The following TAFA1 variants were observed in gnomAD, a reference collection of about 807,000 sequenced individuals.
The protein encoded by TAFA1 is TAFA chemokine like family member 1, also known as chemokine-like protein TAFA-1.
A neutral mutation model predicts 18.5 loss-of-function variants in TAFA1; 4 were observed. That is an observed-to-expected ratio of 0.22 (90% CI 0.11 to 0.49). TAFA1 has a LOEUF of 0.49. Ranked by LOEUF, TAFA1 falls within the 20% of genes least tolerant of loss-of-function variation. The pLI, the probability that TAFA1 is intolerant of heterozygous loss-of-function variation, is 0.98. For missense variants in TAFA1, 147 were observed against 169.0 expected (o/e 0.87, Z 0.72); for synonymous variants, 56 against 55.2 (o/e 1.01, Z -0.06).
intron 2 of TAFA1, among the ~76,000 whole-genome samples, chr3:68,370,282 A>G (rs187793): frequency 0.65 from 34,197 of 52,602 alleles, 10,524 homozygotes; most frequent in East Asian, 0.99. Context: ...GGGAGACCCC[A>G]TCTCAAAAAA....
chr3:68,515,894 T>C (rs1367503850), intron 3 of TAFA1, among the ~76,000 whole-genome samples: 1 of 152,222 alleles, frequency 6.6e-6, no homozygotes. Flanking sequence ...CTCTTGAAAT[T>C]AGCACCCCCT....
intron 2 of TAFA1, among the ~76,000 whole-genome samples, chr3:68,090,637 C>T (rs992925392): frequency 3.9e-5 from 6 of 152,102 alleles, no homozygotes; most frequent in Admixed American, 3.9e-4. Flanking sequence ...GTTGGCTGTC[C>T]TTTGTGACTA....
intron 2 of TAFA1, among the ~76,000 whole-genome samples, chr3:68,092,125 A>G (rs1163418689): frequency 2.0e-5 from 3 of 152,166 alleles, no homozygotes; most frequent in Non-Finnish European, 4.4e-5. Context: ...TCCCAATGGC[A>G]TCAGCTCTCC....
chr3:67,996,658 G>T, the TAFA1 span, among the ~76,000 whole-genome samples: 1 of 152,030 alleles, frequency 6.6e-6, no homozygotes, highest in Non-Finnish European at 1.5e-5. Flanking sequence ...AATTAGCCAG[G>T]TGTGGTGGTC....
intron 2 of TAFA1, among the ~76,000 whole-genome samples, chr3:68,258,326 C>A (rs530365502): frequency 6.6e-6 from 1 of 152,198 alleles, no homozygotes; most frequent in East Asian, 1.9e-4. Flanking sequence ...CAGGGCTGAC[C>A]TTTAGTCAGC....
intron 2 of TAFA1, among the ~76,000 whole-genome samples, chr3:68,204,470 T>C (rs902771910): frequency 2.0e-5 from 3 of 151,684 alleles, no homozygotes; most frequent in Non-Finnish European, 4.4e-5. Flanking sequence ...TTGTTCTTCT[T>C]TGATGATGTG....
intron 2 of TAFA1, chr3:68,145,534 C>T: frequency 8.3e-7 from 1 of 1,209,584 alleles, no homozygotes; most frequent in Non-Finnish European, 1.2e-6. Context: ...TTTCCTTTAA[C>T]AAGTTTATTC....
At chr3:68,471,846 T>C (rs1201056158) in intron 3 of TAFA1, among the ~76,000 whole-genome samples, 1 of 152,190 alleles carries the variant, frequency 6.6e-6, no homozygotes, top group African/African-American at 2.4e-5. Context: ...CACTGAGACT[T>C]GGGACTGTTA....
At chr3:68,072,144 T>C (rs2106750944) in intron 2 of TAFA1, among the ~76,000 whole-genome samples, 1 of 152,352 alleles carries the variant, frequency 6.6e-6, no homozygotes, top group East Asian at 1.9e-4. Flanking sequence ...TCTCTCTTTA[T>C]ATTTTTGTGG....
At chr3:68,064,931 A>G (rs1014506466) in intron 2 of TAFA1, among the ~76,000 whole-genome samples, 1 of 152,110 alleles carries the variant, frequency 6.6e-6, no homozygotes, top group South Asian at 2.1e-4. Flanking sequence ...TTGCCTTGAT[A>G]TGTACATCTT....
At chr3:68,172,836 A>T (rs929666867) in intron 2 of TAFA1, among the ~76,000 whole-genome samples, 1 of 152,160 alleles carries the variant, frequency 6.6e-6, no homozygotes, top group African/African-American at 2.4e-5. Context: ...TAGAGACATA[A>T]ATGGATTAGT....
chr3:68,180,498 C>G (rs1273022929), intron 2 of TAFA1, among the ~76,000 whole-genome samples: 2 of 152,090 alleles, frequency 1.3e-5, no homozygotes, highest in African/African-American at 4.8e-5. Flanking sequence ...CCCATATTGT[C>G]CCAACATAAG....
At chr3:68,152,350 A>G (rs1057160092) in intron 2 of TAFA1, among the ~76,000 whole-genome samples, 1 of 152,074 alleles carries the variant, frequency 6.6e-6, no homozygotes, top group Non-Finnish European at 1.5e-5. Context: ...CCTCCCAGAC[A>G]TCTATATAAT....
At chr3:68,188,220 T>C (rs369127726) in intron 2 of TAFA1, among the ~76,000 whole-genome samples, 9 of 151,988 alleles carry the variant, frequency 5.9e-5, no homozygotes, top group East Asian at 5.8e-4. Context: ...AATTCTAAAT[T>C]AGAGAACACT....
chr3:68,245,527 T>A (rs1381525725), intron 2 of TAFA1, among the ~76,000 whole-genome samples: 1 of 152,244 alleles, frequency 6.6e-6, no homozygotes, highest in Non-Finnish European at 1.5e-5. Context: ...ATATGGATAC[T>A]AAGACAAAGT....
intron 2 of TAFA1, among the ~76,000 whole-genome samples, chr3:68,030,366 C>G (rs1900651): frequency 0.65 from 98,402 of 151,782 alleles, 32,073 homozygotes; most frequent in South Asian, 0.78. Context: ...CTGCACCCAT[C>G]AACCCGTCAT....
At chr3:68,119,195 C>A (rs1171910653) in intron 2 of TAFA1, among the ~76,000 whole-genome samples, 1 of 152,044 alleles carries the variant, frequency 6.6e-6, no homozygotes, top group Non-Finnish European at 1.5e-5. Flanking sequence ...AACATCTGTT[C>A]AAGTCTTTGC....
chr3:68,241,881 G>T (rs1402003476), intron 2 of TAFA1, among the ~76,000 whole-genome samples: 1 of 152,216 alleles, frequency 6.6e-6, no homozygotes, highest in African/African-American at 2.4e-5. Flanking sequence ...AGCGCAGGGT[G>T]TGAGAAAGAC....
intron 2 of TAFA1, among the ~76,000 whole-genome samples, chr3:68,276,748 A>G (rs2067804833): frequency 6.6e-6 from 1 of 152,136 alleles, no homozygotes; most frequent in Non-Finnish European, 1.5e-5. Context: ...GATCAGACTA[A>G]TATCTGTCTT....
Sources: gnomAD v4.1 joint callset for allele counts (sites outside exome capture counted in the v4.1 genomes callset) on GRCh38, gnomAD v4.1.1 for gene constraint, MANE v1.5 for transcripts, NCBI Gene and HGNC (gene_info 2026-07-23, HGNC 2026-07-21) for gene names.